BUB1B: variants seen among roughly 807,000 people sequenced by gnomAD.
The protein encoded by BUB1B is mitotic checkpoint serine/threonine-protein kinase BUB1 beta.
A neutral mutation model predicts 137.7 loss-of-function variants in BUB1B; 86 were observed. The observed-to-expected ratio is 0.62, with a 90% CI of 0.52 to 0.75. The LOEUF is 0.75. BUB1B is among the 30% of genes least tolerant of loss of function. The pLI, the probability that BUB1B is intolerant of heterozygous loss-of-function variation, is 0.00. For missense variants in BUB1B, 1,130 were observed against 1,236.9 expected (o/e 0.91, Z 1.30); for synonymous variants, 420 against 417.9 (o/e 1.00, Z -0.06).
chr15:40,185,342 C>G lies in BUB1B; in HGVS notation c.929C>G (p.Ala310Gly). The G allele has an allele frequency of 6.2e-7, 1 of 1,614,200 alleles. No homozygotes were observed. The highest frequency in any genetic ancestry group is 8.5e-7 in the Non-Finnish European group (1 of 1,180,040). Reference protein sequence around the residue: ...MPRAKENELQAGPWNTGRSLE... With the variant: ...MPRAKENELQGGPWNTGRSLE... Reference sequence around the variant, plus strand: ...AGGGCCAAAGAGAATGAGCTGCAAGCAGGCCCTTGGAACACAGGCAGGTCC... The same window carrying G: ...AGGGCCAAAGAGAATGAGCTGCAAGGAGGCCCTTGGAACACAGGCAGGTCC... Residue 310 changes from alanine (A) to glycine (G), a missense_variant, in exon 7 of 23, where the codon GCA (alanine) becomes GGA (glycine). Physicochemically the swap from Ala to Gly is moderately conservative, Grantham distance 60 (BLOSUM62 0). Coordinates refer to ENST00000287598, the MANE Select transcript of BUB1B (RefSeq NM_001211.6).
chr15:40,182,724 T>C (rs931986991), intron 5 of BUB1B, among the ~76,000 whole-genome samples: 2 of 152,270 alleles, frequency 1.3e-5, no homozygotes, highest in Non-Finnish European at 2.9e-5. Flanking sequence ...TTTGCAGTTC[T>C]CCTCCCATAT....
chr15:40,195,644 A>C (rs915578921), intron 8 of BUB1B, among the ~76,000 whole-genome samples: 6 of 152,010 alleles, frequency 3.9e-5, no homozygotes, highest in African/African-American at 1.4e-4. Flanking sequence ...GCCAGTGTCT[A>C]TTATTTTTTG....
Position 40,210,057 on chromosome 15 carries a change from A to G in BUB1B, c.2285-53A>G. ...CCTTAAACCAGGAGGTAAAAGCTACAGGGCTGTATATGTTCACAGTGATTT... is the reference window on the plus strand; with the variant it reads ...CCTTAAACCAGGAGGTAAAAGCTACGGGGCTGTATATGTTCACAGTGATTT... On this transcript the variant is annotated intron_variant, in intron 17 of 22. Transcript: ENST00000287598. The G allele has an allele frequency of 2.1e-6, 3 of 1,410,420 alleles. 1 individual carries two copies. Among genetic ancestry groups the G allele is most frequent in the South Asian group, 2.3e-5 (2 of 86,390 alleles). The allele number at this position is 1,410,420 out of a possible 1,614,324, so 87.4% of individuals were successfully genotyped here. A position where few individuals can be genotyped will look rare whatever the true frequency, so the allele number is the denominator to read the frequency against.
intron 9 of BUB1B, among the ~76,000 whole-genome samples, chr15:40,199,333 G>T (rs1418764808): frequency 6.6e-6 from 1 of 152,220 alleles, no homozygotes; most frequent in Non-Finnish European, 1.5e-5. Flanking sequence ...TTTGTATTAT[G>T]TACCACTGAA....
chr15:40,185,293 C>T lies in BUB1B; in HGVS notation c.880C>T (p.Pro294Ser). The T allele has an allele frequency of 6.2e-7, 1 of 1,614,150 alleles. No homozygotes were observed. The highest frequency in any genetic ancestry group is 8.5e-7 in the Non-Finnish European group (1 of 1,180,034). ...AGAGTTGTCTAAGCCTACAGTCCAG[C>T]CATGGATAGCACCCCCCATGCCCAG... The part of the protein sequence containing the change: ...TAELSKPTVQ[P>S]WIAPPMPRAK... The change falls in exon 7 of 23, where the codon CCA becomes TCA. Residue 294 changes from proline to serine, a missense_variant. Pro to Ser is a moderately conservative substitution (Grantham distance 74, BLOSUM62 -1). Transcript: ENST00000287598.
At chr15:40,190,598 A>G (rs1398194317) in intron 8 of BUB1B, among the ~76,000 whole-genome samples, 3 of 152,236 alleles carry the variant, frequency 2.0e-5, no homozygotes, top group Non-Finnish European at 4.4e-5. Context: ...TAGGCAACAG[A>G]TTCAGATCCT....
intron 8 of BUB1B, among the ~76,000 whole-genome samples, chr15:40,195,890 G>A (rs561978607): frequency 3.0e-4 from 45 of 152,100 alleles, no homozygotes; most frequent in Middle Eastern, 3.4e-3. Flanking sequence ...GTCCTTTGTC[G>A]GATGCATAGA....
chr15:40,185,052 T>C (rs79177567), intron 6 of BUB1B, 113 bp from the exon 7 acceptor site: 1 of 782,560 alleles, frequency 1.3e-6, no homozygotes, highest in East Asian at 2.6e-5. Flanking sequence ...TTTTTTTTTT[T>C]CTGTTGTAGT....
chr15:40,193,581 G>A (rs1243224588), intron 8 of BUB1B, among the ~76,000 whole-genome samples: 2 of 148,180 alleles, frequency 1.3e-5, no homozygotes, highest in African/African-American at 2.5e-5. Flanking sequence ...GACTATAGGT[G>A]CATGACACCA....
At chr15:40,219,488 G>A (rs1235004604) in intron 22 of BUB1B, among the ~76,000 whole-genome samples, 6 of 151,982 alleles carry the variant, frequency 3.9e-5, no homozygotes, top group African/African-American at 9.7e-5. Context: ...TTGGGAGGCC[G>A]AGGCAGATTA....
At chr15:40,218,643 C>T in intron 22 of BUB1B, 81 bp downstream of exon 22, 1 of 1,087,840 alleles carries the variant, frequency 9.2e-7, no homozygotes, top group Admixed American at 1.9e-5. Flanking sequence ...GCTTTGGCAG[C>T]CTTAGTTTTT....
intron 10 of BUB1B, 32 bp downstream of exon 10, chr15:40,199,759 A>G: frequency 6.9e-7 from 1 of 1,440,844 alleles, no homozygotes; most frequent in Non-Finnish European, 9.7e-7. Context: ...ACAAAACTAG[A>G]ATTTATTGAA....
At chr15:40,176,414 G>A (rs1013555042) in intron 4 of BUB1B, 63 bp from the exon 5 acceptor site, 2 of 1,404,586 alleles carry the variant, frequency 1.4e-6, no homozygotes. Context: ...GTGATTGTTT[G>A]GCAACTAATA....
intron 4 of BUB1B, chr15:40,173,929 A>C (rs1481498987): frequency 1.4e-5 from 6 of 431,342 alleles, no homozygotes; most frequent in Non-Finnish European, 2.7e-5. Context: ...CCTACAGTCT[A>C]GCTAAGGAAA....
chr15:40,218,047 A>G (rs1488162029), intron 21 of BUB1B, among the ~76,000 whole-genome samples: 3 of 152,240 alleles, frequency 2.0e-5, no homozygotes, highest in Admixed American at 1.3e-4. Context: ...ATTAGCACAA[A>G]TGTAAAGTCT....
chr15:40,190,359 A>G (rs115456223), intron 8 of BUB1B, among the ~76,000 whole-genome samples: 3,261 of 152,180 alleles, frequency 0.021, 110 homozygotes, highest in African/African-American at 0.075. Context: ...TAATCTCAGC[A>G]CTTTGGCTCT....
At chr15:40,167,558 C>T (rs965380206) in intron 2 of BUB1B, among the ~76,000 whole-genome samples, 2 of 152,074 alleles carry the variant, frequency 1.3e-5, no homozygotes, top group Non-Finnish European at 2.9e-5. Flanking sequence ...CCAGGCTGGT[C>T]TTGAACTTCT....
chr15:40,207,829 G>A (rs2037655986), intron 15 of BUB1B, among the ~76,000 whole-genome samples: 1 of 151,774 alleles, frequency 6.6e-6, no homozygotes, highest in African/African-American at 2.4e-5. Context: ...TTGAGGCCAG[G>A]AGTTTAAGAC....
chr15:40,185,550 G>T lies in BUB1B; in HGVS notation c.967-1G>T. On this transcript the variant is annotated splice_acceptor_variant, in intron 7 of 22. Coordinates refer to ENST00000287598, the MANE Select transcript of BUB1B (RefSeq NM_001211.6). LOFTEE classifies it high-confidence loss of function. ...ATTTTAGTTTTCTTCTTCATCTCCA[G>T]CCTCGTGGCAATACAGCTTCACTGA... The T allele has an allele frequency of 6.2e-7, 1 of 1,614,062 alleles. No homozygotes were observed. The highest frequency in any genetic ancestry group is 8.5e-7 in the Non-Finnish European group (1 of 1,179,966).
Sources: gnomAD v4.1 joint callset for allele counts (sites outside exome capture counted in the v4.1 genomes callset) on GRCh38, gnomAD v4.1.1 for gene constraint, MANE v1.5 for transcripts, NCBI Gene and HGNC (gene_info 2026-07-23, HGNC 2026-07-21) for gene names.